AFDN: variants seen among roughly 807,000 people sequenced by gnomAD.
AFDN encodes the protein afadin.
A neutral mutation model predicts 216.6 loss-of-function variants in AFDN; 68 were observed. The observed-to-expected ratio is 0.31, with a 90% confidence interval of 0.26 to 0.38. AFDN has a LOEUF of 0.38. Ranked by LOEUF, AFDN falls within the 10% of genes least tolerant of loss-of-function variation. AFDN has a pLI of 1.00. For missense variants in AFDN, 2,136 were observed against 2,342.0 expected (o/e 0.91, Z 1.82); for synonymous variants, 868 against 853.7 (o/e 1.02, Z -0.29).
intron 23 of AFDN, among the ~76,000 whole-genome samples, chr6:167,940,907 G>A (rs71573432): frequency 1.5e-5 from 1 of 64,644 alleles, no homozygotes. Flanking sequence ...AGATGTAGGG[G>A]TGAGGGTGGA....
intron 9 of AFDN, among the ~76,000 whole-genome samples, chr6:167,894,131 G>T (rs1787943328): frequency 6.6e-6 from 1 of 152,028 alleles, no homozygotes; most frequent in Non-Finnish European, 1.5e-5. Flanking sequence ...TATTTTCCCA[G>T]GTTCACCCTG....
chr6:167,835,775 T>TATACTGTG (rs1780358303), intron 1 of AFDN, among the ~76,000 whole-genome samples: 1 of 152,020 alleles, frequency 6.6e-6, no homozygotes, highest in South Asian at 2.1e-4. Context: ...ACTAAGAAAA[T>TATACTGTG]AGTTTTGATC....
intron 30 of AFDN, chr6:167,954,554 G>T (rs1796312520): frequency 1.3e-6 from 2 of 1,485,008 alleles, no homozygotes; most frequent in Non-Finnish European, 1.8e-6. Flanking sequence ...TTTTCTTTCA[G>T]TGGTGGCTGT....
Position 167,918,656 on chromosome 6 carries a change from A to T in AFDN, c.2710-79A>T, listed in dbSNP as rs557770537. 2.1e-5 allele frequency: 27 copies of T among 1,283,318 alleles called. No individual in the cohort carries two copies. The African/African-American group carries it at 2.6e-4, about 12-fold the overall frequency. 79.5% of individuals were successfully genotyped at this position (1,283,318 alleles called of 1,614,324 possible). ...AGATAAGCTGTGCTGCAGTGAGCAGACAGCCTTTGAATAGTTGTTGGTCAC... is the reference window on the plus strand; with the variant it reads ...AGATAAGCTGTGCTGCAGTGAGCAGTCAGCCTTTGAATAGTTGTTGGTCAC... On this transcript the variant is annotated intron_variant, in intron 20 of 33. Transcript: ENST00000683244.
intron 6 of AFDN, among the ~76,000 whole-genome samples, chr6:167,883,777 C>T (rs1180255926): frequency 1.3e-5 from 2 of 152,118 alleles, no homozygotes; most frequent in African/African-American, 4.8e-5. Flanking sequence ...ATGTTGATAG[C>T]CACTGACTGA....
intron 23 of AFDN, among the ~76,000 whole-genome samples, chr6:167,942,440 T>C (rs73034986): frequency 0.02 from 2,994 of 152,322 alleles, 54 homozygotes; most frequent in Non-Finnish European, 0.033. Flanking sequence ...GACTGCTTTC[T>C]TTGATAGTTG....
chr6:167,955,386 A>G (rs564487359), intron 30 of AFDN, among the ~76,000 whole-genome samples: 2 of 151,492 alleles, frequency 1.3e-5, no homozygotes, highest in Admixed American at 6.6e-5. Context: ...TGGAAGGCAT[A>G]TTTTCTGAGC....
intron 1 of AFDN, among the ~76,000 whole-genome samples, chr6:167,858,006 G>A (rs1252470074): frequency 6.6e-6 from 1 of 152,168 alleles, no homozygotes; most frequent in Admixed American, 6.5e-5. Flanking sequence ...TGTCATGAGG[G>A]TTTAAAATGT....
At chr6:167,882,537 G>A (rs1786256547) in intron 6 of AFDN, among the ~76,000 whole-genome samples, 1 of 151,672 alleles carries the variant, frequency 6.6e-6, no homozygotes. Flanking sequence ...TGTAATCCCA[G>A]CTACTTGGGA....
At chr6:167,907,986 G>A (rs1002642980) in intron 13 of AFDN, among the ~76,000 whole-genome samples, 16 of 152,218 alleles carry the variant, frequency 1.1e-4, no homozygotes, top group Non-Finnish European at 2.2e-4. Context: ...GGAACCAGCA[G>A]CATGATTTGG....
rs574101953 is a variant in AFDN, at chr6:167,929,520, G to A, written c.3099+4429G>A. Reference sequence around the variant, plus strand: ...AAACATGCTTCCCTCCCCCTCCTCAGGTCACTCACACAGCAAGTCTTCCCT... The same window carrying A: ...AAACATGCTTCCCTCCCCCTCCTCAAGTCACTCACACAGCAAGTCTTCCCT... On this transcript the variant is annotated intron_variant, in intron 23 of 33. Transcript: ENST00000683244. Among the ~76,000 whole-genome samples, 19 of 152,282 alleles carry A rather than the reference G, an allele frequency of 1.2e-4. No individual in the cohort carries two copies. In the South Asian group the frequency reaches 3.5e-3, roughly 28 times the overall value.
At chr6:167,909,499 A>G (rs911707678) in intron 13 of AFDN, among the ~76,000 whole-genome samples, 1 of 152,016 alleles carries the variant, frequency 6.6e-6, no homozygotes, top group Non-Finnish European at 1.5e-5. Flanking sequence ...AAAGTTTTTT[A>G]TTATCTATAT....
chr6:167,846,827 T>C (rs1234743714), intron 1 of AFDN, among the ~76,000 whole-genome samples: 1 of 150,166 alleles, frequency 6.7e-6, no homozygotes, highest in Non-Finnish European at 1.5e-5. Flanking sequence ...AGAAAAGTCA[T>C]AATTAAAACT....
At chr6:167,944,516 GT>G (rs1287490882) in intron 26 of AFDN, among the ~76,000 whole-genome samples, 1 of 152,184 alleles carries the variant, frequency 6.6e-6, no homozygotes, top group Non-Finnish European at 1.5e-5. Flanking sequence ...TATATGAGTA[GT>G]TACCTTAGTC....
At position 167,915,057 on chromosome 6, in the gene AFDN, A is replaced by G. The variant is rs139911958; in HGVS notation, c.2300-111A>G. On this transcript the variant is annotated intron_variant, in intron 18 of 33. Coordinates refer to ENST00000683244, the MANE Select transcript of AFDN (RefSeq NM_001386888.1). ...GAATGAAGTTGATATTTTTAAAGTA[A>G]TTAAACGGCACTTACTACCATAGGT... The G allele has an allele frequency of 1.6e-3, 1,818 of 1,136,196 alleles. 2 individuals are homozygous for G. The highest frequency in any genetic ancestry group is 2.6e-3 in the Admixed American group (116 of 44,996). The allele number at this position is 1,136,196 out of a possible 1,614,324, so 70.4% of individuals were successfully genotyped here. A position where few individuals can be genotyped will look rare whatever the true frequency, so the allele number is the denominator to read the frequency against.
At chr6:167,843,170 A>G (rs148232545) in intron 1 of AFDN, among the ~76,000 whole-genome samples, 36 of 152,326 alleles carry the variant, frequency 2.4e-4, no homozygotes, top group African/African-American at 8.2e-4. Context: ...TTACCTCCAC[A>G]TCGTAAACTT....
chr6:167,964,058 G>T (rs562607610), intron 31 of AFDN: 2 of 1,064,476 alleles, frequency 1.9e-6, no homozygotes, highest in Non-Finnish European at 2.3e-6. Context: ...GAGAGGACCA[G>T]GCCATGTTTT....
At chr6:167,846,538 A>G (rs1246009684) in intron 1 of AFDN, among the ~76,000 whole-genome samples, 1 of 152,130 alleles carries the variant, frequency 6.6e-6, no homozygotes, top group East Asian at 1.9e-4. Flanking sequence ...AGCCTTACTG[A>G]TAGTTGTAAA....
At position 167,914,326 on chromosome 6, in the gene AFDN, T is replaced by C; in HGVS notation, c.2204+13T>C. The C allele has an allele frequency of 6.2e-7, 1 of 1,613,464 alleles. No homozygotes were observed. Among genetic ancestry groups the C allele is most frequent in the South Asian group, 1.1e-5 (1 of 90,866 alleles). On this transcript the variant is annotated intron_variant, in intron 17 of 33. Transcript: ENST00000683244. ...AAATGGCATTTAAGTAAGGAACACA[T>C]TTTTGAAGGCGGCACTACTCTAAAT...
Sources: gnomAD v4.1 joint callset for allele counts (sites outside exome capture counted in the v4.1 genomes callset) on GRCh38, gnomAD v4.1.1 for gene constraint, MANE v1.5 for transcripts, NCBI Gene and HGNC (gene_info 2026-07-23, HGNC 2026-07-21) for gene names.